The following PPP1R9A variants were observed in gnomAD, a reference collection of about 807,000 sequenced individuals.
PPP1R9A encodes the protein neurabin-1.
In PPP1R9A, 59 loss-of-function variants were observed where a neutral mutation model predicts 141.9. The ratio of observed to expected loss-of-function variants is 0.42; its 90% confidence interval spans 0.34 to 0.52. The LOEUF (loss-of-function observed/expected upper bound fraction) is 0.52, where lower values mean the gene tolerates loss of function less well. Ranked by LOEUF, PPP1R9A falls within the 20% of genes least tolerant of loss-of-function variation. PPP1R9A has a pLI of 0.10. For synonymous variants in PPP1R9A, 500 were observed against 569.7 expected (o/e 0.88, Z 1.74); for missense variants, 1,444 against 1,611.9 (o/e 0.90, Z 1.78).
chr7:95,094,638 G>C (rs1817781044), intron 2 of PPP1R9A, among the ~76,000 whole-genome samples: 1 of 152,148 alleles, frequency 6.6e-6, no homozygotes, highest in African/African-American at 2.4e-5. Context: ...CCAGCACTTT[G>C]GGAGGCCAAG....
intron 2 of PPP1R9A, among the ~76,000 whole-genome samples, chr7:94,961,893 C>T (rs1357091037): frequency 1.3e-5 from 2 of 151,808 alleles, no homozygotes; most frequent in South Asian, 4.2e-4. Context: ...TTTTTTTAAT[C>T]AATATTGTTG....
At chr7:95,176,356 G>C (rs1183107735) in intron 5 of PPP1R9A, 7 of 152,240 alleles carry the variant, frequency 4.6e-5, no homozygotes, top group Non-Finnish European at 8.8e-5. Flanking sequence ...CTGAACAACA[G>C]CCTTCAGCCT....
At chr7:95,214,913 T>C (rs544815732) in intron 7 of PPP1R9A, among the ~76,000 whole-genome samples, 1 of 152,248 alleles carries the variant, frequency 6.6e-6, no homozygotes, top group African/African-American at 2.4e-5. Context: ...GGATTTTAGA[T>C]GTTTCTTGAG....
intron 2 of PPP1R9A, among the ~76,000 whole-genome samples, chr7:94,936,492 A>G (rs2150897757): frequency 6.6e-6 from 1 of 152,254 alleles, no homozygotes; most frequent in East Asian, 1.9e-4. Flanking sequence ...CATGTTCTGT[A>G]TTCCGTATTC....
At chr7:95,235,465 A>G (rs951329137) in intron 8 of PPP1R9A, among the ~76,000 whole-genome samples, 1 of 152,192 alleles carries the variant, frequency 6.6e-6, no homozygotes, top group East Asian at 1.9e-4. Flanking sequence ...CAAAATCACA[A>G]TGTGATACCA....
At chr7:95,180,592 C>A (rs1321238725) in intron 5 of PPP1R9A, among the ~76,000 whole-genome samples, 1 of 151,586 alleles carries the variant, frequency 6.6e-6, no homozygotes, top group Non-Finnish European at 1.5e-5. Context: ...AAACAGACAA[C>A]CCACAGAGTG....
At chr7:95,077,693 A>G (rs957029447) in intron 2 of PPP1R9A, among the ~76,000 whole-genome samples, 1 of 152,216 alleles carries the variant, frequency 6.6e-6, no homozygotes, top group African/African-American at 2.4e-5. Flanking sequence ...TGTAAGAAAT[A>G]ATGGTAAATC....
intron 2 of PPP1R9A, among the ~76,000 whole-genome samples, chr7:95,086,666 C>T (rs1465473816): frequency 6.6e-6 from 1 of 152,088 alleles, no homozygotes; most frequent in Middle Eastern, 3.4e-3. Context: ...CTAGGCCAAG[C>T]ACTCTTTTGT....
chr7:95,150,171 A>T (rs966727438), intron 4 of PPP1R9A, among the ~76,000 whole-genome samples: 2 of 150,996 alleles, frequency 1.3e-5, no homozygotes, highest in African/African-American at 4.9e-5. Flanking sequence ...AAAAAAAAAA[A>T]TCTGAAGAAG....
chr7:95,140,857 G>T (rs925057329), intron 4 of PPP1R9A, among the ~76,000 whole-genome samples: 2 of 152,068 alleles, frequency 1.3e-5, no homozygotes, highest in African/African-American at 2.4e-5. Context: ...GGGACCACTG[G>T]TGCACACTGC....
Position 95,290,243 on chromosome 7 carries a change from G to C in PPP1R9A, c.4065G>C (p.Arg1355Ser). 6.2e-7 allele frequency: 1 copy of C among 1,613,404 alleles called. No individual in the cohort carries two copies. The highest frequency in any genetic ancestry group is 1.3e-5 in the African/African-American group (1 of 75,038). The change falls in exon 20 of 20, where the codon AGG becomes AGC. Residue 1355 changes from arginine (R) to serine (S), a missense_variant. Physicochemically the swap from Arg to Ser is moderately radical, Grantham distance 110. Around this residue, in one of 5 missense-constraint regions of PPP1R9A, gnomAD observed 459 missense variants for 513.8 expected, o/e 0.89. Coordinates refer to ENST00000433360, the MANE Select transcript of PPP1R9A (RefSeq NM_001166160.2). The stretch of plus-strand genomic sequence containing the variant: ...GAAAGGAGCAAGAGCAAATGCAGAG[G>C]AAGTCCAAAAAGACAGAAAAGATGA... ...LRRKEQEQMQ[R>S]KSKKTEKMTS...
chr7:95,261,622 T>C (rs2153032471), intron 12 of PPP1R9A, among the ~76,000 whole-genome samples: 1 of 152,310 alleles, frequency 6.6e-6, no homozygotes, highest in African/African-American at 2.4e-5. Context: ...ACCTAATTCT[T>C]TAAATCTTTT....
intron 4 of PPP1R9A, among the ~76,000 whole-genome samples, chr7:95,148,917 A>G (rs1237718067): frequency 6.6e-6 from 1 of 152,248 alleles, no homozygotes; most frequent in East Asian, 1.9e-4. Flanking sequence ...AAAGTAAACT[A>G]TAGATTAATA....
At chr7:94,935,264 A>T (rs1794646774) in intron 2 of PPP1R9A, among the ~76,000 whole-genome samples, 1 of 152,192 alleles carries the variant, frequency 6.6e-6, no homozygotes, top group African/African-American at 2.4e-5. Flanking sequence ...GCTACTACTT[A>T]AATATTATTC....
At chr7:95,109,019 T>A (rs946233874) in intron 2 of PPP1R9A, 11 of 152,312 alleles carry the variant, frequency 7.2e-5, no homozygotes, top group Non-Finnish European at 1.6e-4. Context: ...CCGGGACGCA[T>A]GAGACCCAGG....
chr7:94,981,681 T>C (rs1052275440), intron 2 of PPP1R9A, among the ~76,000 whole-genome samples: 10 of 152,204 alleles, frequency 6.6e-5, no homozygotes, highest in African/African-American at 2.4e-4. Context: ...TATACATACA[T>C]ATGTACATAT....
At chr7:95,256,419 C>A (rs559401108) in intron 12 of PPP1R9A, among the ~76,000 whole-genome samples, 1 of 152,078 alleles carries the variant, frequency 6.6e-6, no homozygotes, top group East Asian at 1.9e-4. Context: ...AAGTTTAATA[C>A]CTTTTCAAGT....
chr7:94,995,431 A>G (rs1488256211), intron 2 of PPP1R9A, among the ~76,000 whole-genome samples: 6 of 151,718 alleles, frequency 4.0e-5, no homozygotes, highest in African/African-American at 1.5e-4. Flanking sequence ...GACTCAAATC[A>G]CACATATGTT....
intron 2 of PPP1R9A, among the ~76,000 whole-genome samples, chr7:94,988,083 G>A (rs1185458234): frequency 6.6e-6 from 1 of 152,034 alleles, no homozygotes; most frequent in Non-Finnish European, 1.5e-5. Flanking sequence ...GTGGGCTAAA[G>A]GCCTAGGAAT....
Sources: gnomAD v4.1 joint callset for allele counts (sites outside exome capture counted in the v4.1 genomes callset) on GRCh38, gnomAD v4.1.1 for gene constraint, gnomAD v4.1.1 regional missense constraint, MANE v1.5 for transcripts, NCBI Gene and HGNC (gene_info 2026-07-23, HGNC 2026-07-21) for gene names.